C6orf89: variants seen among roughly 807,000 people sequenced by gnomAD.
The protein encoded by C6orf89 is chromosome 6 open reading frame 89.
C6orf89 carries 29 observed loss-of-function variants against 40.7 expected under a neutral mutation model. The observed-to-expected ratio is 0.71, with a 90% CI of 0.53 to 0.97. C6orf89 has a LOEUF of 0.97. C6orf89 is among the 50% of genes least tolerant of loss of function. The pLI is 0.00. For synonymous variants in C6orf89, 165 were observed against 152.2 expected, an observed-to-expected ratio of 1.08 and a Z score of -0.62; for missense variants, 392 against 429.1, an observed-to-expected ratio of 0.91 and a Z score of 0.76.
At chr6:36,912,981 G>A (rs767786720) in intron 4 of C6orf89, among the ~76,000 whole-genome samples, 6 of 152,160 alleles carry the variant, frequency 3.9e-5, no homozygotes, top group Non-Finnish European at 7.4e-5. Context: ...ATCATTTGTC[G>A]TAGGCTCTCT....
intron 4 of C6orf89, among the ~76,000 whole-genome samples, chr6:36,908,288 CT>C (rs34002368): frequency 0.2 from 31,076 of 152,064 alleles, 3,263 homozygotes; most frequent in East Asian, 0.29. Context: ...GCCACCTCTG[CT>C]CCTGTCAGAT....
chr6:36,873,503 T>A (rs964532221), intron 1 of C6orf89, among the ~76,000 whole-genome samples: 2 of 152,264 alleles, frequency 1.3e-5, no homozygotes, highest in Middle Eastern at 3.2e-3. Context: ...GAAAAAAGTC[T>A]GGACAATCAT....
chr6:36,885,280 A>G (rs1010446814), upstream of C6orf89, among the ~76,000 whole-genome samples: 2 of 152,212 alleles, frequency 1.3e-5, no homozygotes, highest in African/African-American at 4.8e-5. Flanking sequence ...AAATCAGGCA[A>G]ACACCGAGCT....
intron 1 of C6orf89, among the ~76,000 whole-genome samples, chr6:36,892,359 C>G (rs1036794062): frequency 6.6e-6 from 1 of 152,184 alleles, no homozygotes; most frequent in Non-Finnish European, 1.5e-5. Flanking sequence ...AGAGCTGGAG[C>G]CTCCCTGTGT....
chr6:36,917,439 C>T (rs1206898530), intron 7 of C6orf89, among the ~76,000 whole-genome samples: 1 of 152,154 alleles, frequency 6.6e-6, no homozygotes, highest in Non-Finnish European at 1.5e-5. Context: ...CTCTGAATTG[C>T]TCCTTTTGTT....
chr6:36,886,078 G>A (rs1434173802), intron 1 of C6orf89, 50 bp downstream of exon 1: 1 of 1,084,412 alleles, frequency 9.2e-7, no homozygotes, highest in Admixed American at 1.2e-4. Context: ...CCCTGTGACA[G>A]CCTCGCCGCG....
chr6:36,889,261 G>C (rs1775105416), intron 1 of C6orf89, among the ~76,000 whole-genome samples: 1 of 152,220 alleles, frequency 6.6e-6, no homozygotes, highest in Non-Finnish European at 1.5e-5. Context: ...CTTCGAACTT[G>C]GCGTTTAGAA....
intron 4 of C6orf89, among the ~76,000 whole-genome samples, chr6:36,912,740 A>G (rs916595589): frequency 1.3e-5 from 2 of 152,180 alleles, no homozygotes; most frequent in Non-Finnish European, 2.9e-5. Flanking sequence ...CCTCCAGGAA[A>G]CACAGATACT....
intron 1 of C6orf89, among the ~76,000 whole-genome samples, chr6:36,878,839 T>C (rs926369445): frequency 2.0e-5 from 3 of 152,228 alleles, no homozygotes; most frequent in African/African-American, 7.2e-5. Flanking sequence ...TCACTTCCTA[T>C]TGCTGTACGT....
At chr6:36,898,623 C>CT (rs1761541701) in intron 2 of C6orf89, among the ~76,000 whole-genome samples, 1 of 152,108 alleles carries the variant, frequency 6.6e-6, no homozygotes, top group Non-Finnish European at 1.5e-5. Flanking sequence ...AGAGAGAACT[C>CT]TACTTTGCCC....
At chr6:36,882,737 T>C (rs1413279672), upstream of C6orf89, among the ~76,000 whole-genome samples, 5 of 120,336 alleles carry the variant, frequency 4.2e-5, no homozygotes, top group Admixed American at 2.5e-4. Flanking sequence ...CTTTTTTCTT[T>C]TTTTTTTTTT....
At chr6:36,906,659 T>C (rs775548021) in intron 4 of C6orf89, among the ~76,000 whole-genome samples, 1 of 152,230 alleles carries the variant, frequency 6.6e-6, no homozygotes, top group Admixed American at 6.5e-5. Context: ...TTTCTTGGGC[T>C]CTTTCCCTCT....
intron 8 of C6orf89, among the ~76,000 whole-genome samples, chr6:36,922,441 T>A (rs1762545322): frequency 6.6e-6 from 1 of 152,240 alleles, no homozygotes; most frequent in Non-Finnish European, 1.5e-5. Context: ...TTGAAGTTTT[T>A]AGGTTTACCT....
At chr6:36,884,054 G>A (rs6913047), upstream of C6orf89, among the ~76,000 whole-genome samples, 29,560 of 152,160 alleles carry the variant, frequency 0.19, 3,690 homozygotes, top group East Asian at 0.34. This position sits in a 1 kb window ranked among gnomAD's most constrained non-coding sequence, Gnocchi z 4.0. Context: ...CTGAGGTCAG[G>A]AGTTTGAGAG....
intron 8 of C6orf89, among the ~76,000 whole-genome samples, chr6:36,921,614 A>G (rs1400137425): frequency 1.3e-5 from 2 of 152,212 alleles, no homozygotes; most frequent in South Asian, 2.1e-4. Flanking sequence ...AGCAGGGCCC[A>G]TAGTACGCTA....
chr6:36,886,057 G>C (rs1404293571), intron 1 of C6orf89, 29 bp downstream of exon 1: 9 of 1,203,376 alleles, frequency 7.5e-6, no homozygotes, highest in Non-Finnish European at 9.2e-6. Context: ...AGGCTGGGTG[G>C]GGGGAGGCCG....
At chr6:36,877,022 G>C (rs1774676757) in intron 1 of C6orf89, among the ~76,000 whole-genome samples, 1 of 152,148 alleles carries the variant, frequency 6.6e-6, no homozygotes, top group Admixed American at 6.5e-5. Flanking sequence ...CCCTGTTTTT[G>C]AATTTTATAT....
chr6:36,923,361 A>T lies in C6orf89; in HGVS notation c.964A>T (p.Thr322Ser), dbSNP rs1583208741. 1.9e-6 allele frequency: 3 copies of T among 1,613,684 alleles called. No individual in the cohort carries two copies. The Middle Eastern group carries it at 5.0e-4, about 267-fold the overall frequency. ...EPGDIGYVDTTHWKVYVIARG... is the reference protein window; with the variant it reads ...EPGDIGYVDTSHWKVYVIARG... ...TTCCCCTCAAGGCTATGTCGACACCACCCACTGGAAGGTCTACGTTATAGC... is the reference window on the plus strand; with the variant it reads ...TTCCCCTCAAGGCTATGTCGACACCTCCCACTGGAAGGTCTACGTTATAGC... The change falls in exon 9 of 9, where the codon ACC (threonine) becomes TCC (serine). Residue 322 changes from threonine to serine, a missense_variant. Physicochemically the swap from Thr to Ser is moderately conservative, Grantham distance 58. Transcript: ENST00000480824.
At chr6:36,875,082 A>G in intron 1 of C6orf89, 1 of 376,550 alleles carries the variant, frequency 2.7e-6, no homozygotes, top group Admixed American at 4.7e-5. Flanking sequence ...AACAACCAGA[A>G]AAGCTGCGCT....
Sources: allele counts gnomAD v4.1 joint callset (sites outside exome capture counted in the v4.1 genomes callset), GRCh38; gene constraint gnomAD v4.1.1; non-coding constraint Gnocchi (gnomAD v3.1); transcripts MANE v1.5; gene names NCBI Gene and HGNC (gene_info 2026-07-23, HGNC 2026-07-21).